EYS: variants seen among roughly 807,000 people sequenced by gnomAD.
The protein encoded by EYS is protein eyes shut homolog.
In EYS, 250 loss-of-function variants were observed where a neutral mutation model predicts 282.1. That is an observed-to-expected ratio of 0.89 (90% CI 0.80 to 0.98). The LOEUF (loss-of-function observed/expected upper bound fraction) is 0.98, where lower values mean the gene tolerates loss of function less well. Among genes scored for constraint, EYS ranks in the 50% least tolerant of loss-of-function variants. EYS has a pLI of 0.00. For synonymous variants in EYS, 1,355 were observed against 1,282.9 expected (o/e 1.06, Z -1.20); for missense variants, 4,016 against 3,709.0 (o/e 1.08, Z -2.15).
intron 35 of EYS, among the ~76,000 whole-genome samples, chr6:63,959,052 G>A (rs1016880020): frequency 1.3e-5 from 2 of 152,126 alleles, no homozygotes; most frequent in South Asian, 2.1e-4. Context: ...AACACTTTTT[G>A]TAGAAACAAT....
intron 30 of EYS, among the ~76,000 whole-genome samples, chr6:64,306,349 T>A (rs1382604709): frequency 2.6e-5 from 4 of 152,086 alleles, no homozygotes; most frequent in Non-Finnish European, 2.9e-5. Context: ...CAATTTACCA[T>A]AATACTCCCA....
intron 11 of EYS, among the ~76,000 whole-genome samples, chr6:65,322,709 C>T (rs1165121783): frequency 1.3e-5 from 2 of 150,456 alleles, no homozygotes; most frequent in Non-Finnish European, 2.9e-5. Flanking sequence ...GCAGGAGAAT[C>T]ACTTGAATCC....
intron 41 of EYS, among the ~76,000 whole-genome samples, chr6:63,758,050 C>T (rs565338120): frequency 7.2e-5 from 11 of 151,984 alleles, no homozygotes; most frequent in African/African-American, 2.2e-4. Flanking sequence ...CAGGCATGCA[C>T]GAACACACCT....
At chr6:64,519,275 A>G (rs2150524492) in intron 26 of EYS, among the ~76,000 whole-genome samples, 3 of 151,876 alleles carry the variant, frequency 2.0e-5, no homozygotes, top group Middle Eastern at 6.8e-3. Flanking sequence ...ACATCCATCA[A>G]TAAAATGCTT....
intron 12 of EYS, among the ~76,000 whole-genome samples, chr6:65,131,680 C>A (rs1775882585): frequency 6.6e-6 from 1 of 151,806 alleles, no homozygotes; most frequent in Non-Finnish European, 1.5e-5. Context: ...GAAGCAAGAG[C>A]AAACCAACCC....
chr6:64,761,144 A>G (rs1289069840), intron 22 of EYS, among the ~76,000 whole-genome samples: 2 of 152,202 alleles, frequency 1.3e-5, no homozygotes, highest in African/African-American at 4.8e-5. Flanking sequence ...ACTTAAAGCC[A>G]TTGCAATATT....
intron 12 of EYS, among the ~76,000 whole-genome samples, chr6:65,281,035 C>CAAAAAAA (rs35633005): frequency 1.4e-4 from 14 of 101,732 alleles, no homozygotes; most frequent in Non-Finnish European, 2.0e-4. Context: ...GATGCCATCT[C>CAAAAAAA]AAAAAAAAAA....
chr6:65,207,199 A>G (rs1766058119), intron 12 of EYS, among the ~76,000 whole-genome samples: 2 of 151,816 alleles, frequency 1.3e-5, no homozygotes, highest in African/African-American at 4.8e-5. Flanking sequence ...TCAATGTACA[A>G]AAGTCAGTAG....
At chr6:65,672,918 G>A (rs1300972979) in intron 1 of EYS, among the ~76,000 whole-genome samples, 1 of 152,116 alleles carries the variant, frequency 6.6e-6, no homozygotes, top group Admixed American at 6.6e-5. Flanking sequence ...GTGGGTAGTG[G>A]AAAATTACAG....
chr6:65,538,414 C>A (rs1403071384), intron 2 of EYS, among the ~76,000 whole-genome samples: 1 of 152,072 alleles, frequency 6.6e-6, no homozygotes, highest in Non-Finnish European at 1.5e-5. Context: ...TTACAGGTAT[C>A]CAGGACATAC....
chr6:64,450,169 A>C (rs1050056759), intron 26 of EYS, among the ~76,000 whole-genome samples: 2 of 152,090 alleles, frequency 1.3e-5, no homozygotes, highest in African/African-American at 4.8e-5. Context: ...AAGATCTACC[A>C]AGCAAACAGA....
intron 2 of EYS, among the ~76,000 whole-genome samples, chr6:65,529,161 T>A (rs1242799174): frequency 6.6e-6 from 1 of 152,060 alleles, no homozygotes; most frequent in African/African-American, 2.4e-5. Context: ...TAGTATGGGA[T>A]CTTGGCATAA....
intron 36 of EYS, among the ~76,000 whole-genome samples, chr6:63,844,178 C>A (rs977923239): frequency 8.5e-5 from 13 of 152,180 alleles, no homozygotes; most frequent in Non-Finnish European, 1.6e-4. Flanking sequence ...CGGCAAAGGA[C>A]ATGAATTCAT....
At chr6:65,483,496 T>C (rs1765676442) in intron 5 of EYS, among the ~76,000 whole-genome samples, 1 of 152,124 alleles carries the variant, frequency 6.6e-6, no homozygotes, top group Non-Finnish European at 1.5e-5. Flanking sequence ...ATTAGGAATA[T>C]TAATTTTCTA....
intron 12 of EYS, among the ~76,000 whole-genome samples, chr6:65,080,246 T>G (rs180898318): frequency 6.6e-5 from 10 of 152,186 alleles, no homozygotes; most frequent in Non-Finnish European, 1.0e-4. Flanking sequence ...AGTAGTATTA[T>G]TGCCATTAGG....
In EYS at chr6:65,405,167, G is replaced by T. The variant is rs776621229; in HGVS notation, c.1056+7C>A. On this transcript the variant is annotated splice_region_variant and intron_variant, in intron 6 of 42. Coordinates refer to ENST00000503581, the MANE Select transcript of EYS (RefSeq NM_001142800.2). Reference sequence around the variant, plus strand: ...ACCACTCACTTATATGTTAGATTGAGACTTACATTTGATATTTTGATGCAG... The same window carrying T: ...ACCACTCACTTATATGTTAGATTGATACTTACATTTGATATTTTGATGCAG... 1.9e-6 allele frequency: 3 copies of T among 1,602,358 alleles called. No homozygotes were observed. In the East Asian group the frequency reaches 6.7e-5, roughly 36 times the overall value.
intron 31 of EYS, among the ~76,000 whole-genome samples, chr6:64,191,477 T>TCCCCCC (rs552503593): frequency 7.0e-6 from 1 of 143,406 alleles, no homozygotes; most frequent in East Asian, 2.2e-4. Context: ...TGCTATCCCT[T>TCCCCCC]CCCCCCCCAC....
At chr6:65,375,465 C>A (rs1765328443) in intron 8 of EYS, among the ~76,000 whole-genome samples, 1 of 152,044 alleles carries the variant, frequency 6.6e-6, no homozygotes. Flanking sequence ...ATTCCAAAAA[C>A]CAGAATGCTT....
intron 36 of EYS, among the ~76,000 whole-genome samples, chr6:63,817,178 T>C (rs1332881043): frequency 6.6e-6 from 1 of 152,230 alleles, no homozygotes; most frequent in African/African-American, 2.4e-5. Flanking sequence ...AAGGTAATGC[T>C]ACTATTGTGC....
Sources: allele counts gnomAD v4.1 joint callset (sites outside exome capture counted in the v4.1 genomes callset), GRCh38; gene constraint gnomAD v4.1.1; transcripts MANE v1.5; gene names NCBI Gene and HGNC (gene_info 2026-07-23, HGNC 2026-07-21).